The following CERS6 variants were observed in gnomAD, a reference collection of about 807,000 sequenced individuals.
CERS6 encodes the protein LAG1 homolog, ceramide synthase 6.
A neutral mutation model predicts 56.8 loss-of-function variants in CERS6; 26 were observed. The observed-to-expected ratio is 0.46, with a 90% CI of 0.34 to 0.63. The LOEUF is 0.63. Among genes scored for constraint, CERS6 ranks in the 30% least tolerant of loss-of-function variants. CERS6 has a pLI of 0.01. For missense variants in CERS6, 415 were observed against 467.5 expected, an observed-to-expected ratio of 0.89 and a Z score of 1.04; for synonymous variants, 164 against 173.3, an observed-to-expected ratio of 0.95 and a Z score of 0.42.
chr2:168,610,072 G>A (rs1684148944), intron 3 of CERS6, among the ~76,000 whole-genome samples: 1 of 142,884 alleles, frequency 7.0e-6, no homozygotes, highest in Admixed American at 8.1e-5. Flanking sequence ...CTGCCTCCCG[G>A]GTTCATGCCG....
In CERS6 at chr2:168,772,195, T is replaced by C. The variant is rs1266565290; in HGVS notation, c.*2533T>C. 1 of 152,234 alleles carries C rather than the reference T, an allele frequency of 6.6e-6. No individual in the cohort carries two copies. Among genetic ancestry groups the C allele is most frequent in the African/African-American group, 2.4e-5 (1 of 41,450 alleles). The allele number at this position is 152,234 out of a possible 1,614,324, so 9.4% of individuals were successfully genotyped here. ...ACTATAGGTTAGTCAGAATGCTGTT[T>C]TTCGTTAATTAACTTAGCCTGTGTT... On this transcript the variant is annotated 3_prime_UTR_variant, in exon 10 of 10. Transcript: ENST00000305747.
chr2:168,734,687 G>A (rs1254406616), intron 8 of CERS6, among the ~76,000 whole-genome samples: 2 of 152,174 alleles, frequency 1.3e-5, no homozygotes, highest in Non-Finnish European at 2.9e-5. Context: ...GAAGAACAGT[G>A]ATGATGAACT....
intron 1 of CERS6, among the ~76,000 whole-genome samples, chr2:168,483,232 G>T (rs932106169): frequency 6.6e-6 from 1 of 151,788 alleles, no homozygotes; most frequent in African/African-American, 2.4e-5. Context: ...TTTTATAGAT[G>T]TGGAGATTAG....
At position 168,664,354 on chromosome 2, in the gene CERS6, A is replaced by T. The variant is rs75781007; in HGVS notation, c.466-26680A>T. On this transcript the variant is annotated intron_variant, in intron 4 of 9. Coordinates refer to ENST00000305747, the MANE Select transcript of CERS6 (RefSeq NM_203463.3). The stretch of plus-strand genomic sequence containing the variant: ...TGTTAGGGACTAAGTCTACACCTTA[A>T]GAGTGGCAGGGCAGTGAACTGGGAG... 1.3e-3 allele frequency among the ~76,000 whole-genome samples: 198 copies of T among 152,298 alleles called. 3 individuals are homozygous for T. In the East Asian group the frequency reaches 0.035, roughly 27 times the overall value.
chr2:168,672,081 G>A (rs909586640), intron 4 of CERS6, among the ~76,000 whole-genome samples: 37 of 152,224 alleles, frequency 2.4e-4, no homozygotes, highest in African/African-American at 8.9e-4. Flanking sequence ...TTCAGTTGGA[G>A]TGAGTACAGT....
intron 1 of CERS6, among the ~76,000 whole-genome samples, chr2:168,526,619 A>G (rs1695076944): frequency 6.6e-6 from 1 of 152,242 alleles, no homozygotes. Context: ...CTAACTTAAT[A>G]TCTCACAGCT....
intron 4 of CERS6, among the ~76,000 whole-genome samples, chr2:168,673,751 C>T (rs1311562788): frequency 1.3e-5 from 2 of 152,196 alleles, no homozygotes; most frequent in Non-Finnish European, 2.9e-5. Flanking sequence ...TTTTGTCTCT[C>T]TACTCTGGAT....
intron 4 of CERS6, among the ~76,000 whole-genome samples, chr2:168,636,697 T>A (rs2390725): frequency 0.62 from 94,646 of 152,074 alleles, 31,978 homozygotes; most frequent in Middle Eastern, 0.77. Flanking sequence ...AATTCTTCAG[T>A]GCTGCTGCTT....
intron 4 of CERS6, among the ~76,000 whole-genome samples, chr2:168,653,963 A>C (rs1685406965): frequency 6.6e-6 from 1 of 152,186 alleles, no homozygotes; most frequent in Admixed American, 6.5e-5. Context: ...GCCATTCTGT[A>C]ATGTGTCTCC....
At chr2:168,465,889 A>G (rs537240961) in intron 1 of CERS6, among the ~76,000 whole-genome samples, 1 of 152,356 alleles carries the variant, frequency 6.6e-6, no homozygotes, top group East Asian at 1.9e-4. Flanking sequence ...ATTAAAAAAA[A>G]TAGAAGATTT....
chr2:168,585,615 C>T (rs1167053621), intron 3 of CERS6, among the ~76,000 whole-genome samples: 1 of 152,112 alleles, frequency 6.6e-6, no homozygotes, highest in Admixed American at 6.5e-5. Context: ...GGCAGATGCT[C>T]CATAGATGTT....
intron 8 of CERS6, among the ~76,000 whole-genome samples, chr2:168,752,597 G>A (rs1684305655): frequency 6.6e-6 from 1 of 152,172 alleles, no homozygotes; most frequent in Non-Finnish European, 1.5e-5. Context: ...GTGATGGGGT[G>A]CGAACAAGGA....
At chr2:168,760,214 A>G (rs948757119) in intron 8 of CERS6, among the ~76,000 whole-genome samples, 15 of 152,190 alleles carry the variant, frequency 9.9e-5, no homozygotes, top group African/African-American at 3.6e-4. Context: ...CACGATCACA[A>G]GGTCCCACAG....
intron 3 of CERS6, among the ~76,000 whole-genome samples, chr2:168,562,808 A>G (rs1300671464): frequency 6.6e-6 from 1 of 152,186 alleles, no homozygotes; most frequent in East Asian, 1.9e-4. Flanking sequence ...AGCCCTCTCA[A>G]TAAATGAACT....
At chr2:168,766,097 A>T (rs1684723179) in intron 9 of CERS6, among the ~76,000 whole-genome samples, 1 of 152,202 alleles carries the variant, frequency 6.6e-6, no homozygotes, top group South Asian at 2.1e-4. Flanking sequence ...TTGGTGCTGT[A>T]TGCCGGTTTA....
intron 1 of CERS6, among the ~76,000 whole-genome samples, chr2:168,528,999 A>G (rs1294407165): frequency 6.6e-6 from 1 of 152,202 alleles, no homozygotes; most frequent in Non-Finnish European, 1.5e-5. Flanking sequence ...TGCTGGGACC[A>G]TAGGGGTTGT....
At chr2:168,731,137 T>C (rs1683520476) in intron 8 of CERS6, among the ~76,000 whole-genome samples, 1 of 152,186 alleles carries the variant, frequency 6.6e-6, no homozygotes, top group Non-Finnish European at 1.5e-5. Context: ...TGAAATGGAA[T>C]TGTCTGTTAG....
intron 4 of CERS6, among the ~76,000 whole-genome samples, chr2:168,659,742 A>G (rs1415054813): frequency 1.3e-5 from 2 of 151,744 alleles, no homozygotes; most frequent in African/African-American, 4.8e-5. Flanking sequence ...GCAAAGTTGG[A>G]TGGTGGCTTG....
At chr2:168,568,144 C>T (rs1274612384) in intron 3 of CERS6, among the ~76,000 whole-genome samples, 1 of 152,190 alleles carries the variant, frequency 6.6e-6, no homozygotes, top group African/African-American at 2.4e-5. Context: ...CAGGCCATAC[C>T]TTGGTCAGGC....
Sources: gnomAD v4.1 joint callset for allele counts (sites outside exome capture counted in the v4.1 genomes callset) on GRCh38, gnomAD v4.1.1 for gene constraint, MANE v1.5 for transcripts, NCBI Gene and HGNC (gene_info 2026-07-23, HGNC 2026-07-21) for gene names.